The following TJP2 variants were observed in gnomAD, a reference collection of about 807,000 sequenced individuals.
The protein encoded by TJP2 is Friedreich ataxia region gene X104 (tight junction protein ZO-2).
TJP2 carries 91 observed loss-of-function variants against 133.1 expected under a neutral mutation model. The ratio of observed to expected loss-of-function variants is 0.68; its 90% CI spans 0.58 to 0.81. TJP2 has a LOEUF of 0.81. Among genes scored for constraint, TJP2 ranks in the 40% least tolerant of loss-of-function variants. TJP2 has a pLI of 0.00. For missense variants in TJP2, 1,541 were observed against 1,565.6 expected (o/e 0.98, Z 0.26); for synonymous variants, 592 against 583.4 (o/e 1.01, Z -0.21).
intron 2 of TJP2, among the ~76,000 whole-genome samples, chr9:69,161,578 T>G (rs1390486830): frequency 6.6e-6 from 1 of 152,078 alleles, no homozygotes; most frequent in African/African-American, 2.4e-5. Flanking sequence ...GGGCCAGAAC[T>G]GAACATGATG....
At chr9:69,236,372 A>T in intron 13 of TJP2, 134 bp downstream of exon 13, 1 of 908,966 alleles carries the variant, frequency 1.1e-6, no homozygotes, top group Non-Finnish European at 1.7e-6. Flanking sequence ...TTTCTTGTTT[A>T]TGGAGAGTGG....
Position 69,210,757 on chromosome 9 carries a change from T to C in TJP2, c.61-1791T>C, listed in dbSNP as rs12349104. Among the ~76,000 whole-genome samples the C allele has an allele frequency of 9.1e-3, 1,372 of 150,744 alleles. 28 individuals carry two copies. The highest frequency in any genetic ancestry group is 0.031 in the African/African-American group (1,263 of 41,120). On this transcript the variant is annotated intron_variant, in intron 1 of 22. Transcript: ENST00000377245. ...ATTTTGAGTTCTTTTTTTTTTTTTT[T>C]TTTTTTCTTATTAAATATACAGATG...
chr9:69,196,018 A>G lies in TJP2; in HGVS notation c.61-16530A>G, dbSNP rs145762119. On this transcript the variant is annotated intron_variant, in intron 1 of 22. Transcript: ENST00000377245. ...CACTCTGTCACCCAGGCTAGAGTGC[A>G]GTGGTGCCATCATAGCTCACTGCAG... 7.0e-3 allele frequency among the ~76,000 whole-genome samples: 1,071 copies of G among 152,298 alleles called. 30 individuals carry two copies. In the East Asian group the frequency reaches 0.098, roughly 14 times the overall value.
At chr9:69,229,981 ACT>A (rs1251834876) in intron 10 of TJP2, 99 bp from the exon 11 acceptor site, 7 of 1,434,704 alleles carry the variant, frequency 4.9e-6, no homozygotes, top group Non-Finnish European at 5.9e-6. Context: ...ACTATAAATC[ACT>A]CTGTAGCTAG....
intron 4 of TJP2, among the ~76,000 whole-genome samples, chr9:69,219,264 C>T (rs534850880): frequency 3.9e-5 from 6 of 152,190 alleles, no homozygotes; most frequent in African/African-American, 9.6e-5. Flanking sequence ...CCACCTCACC[C>T]GGCCACATAT....
Position 69,230,227 on chromosome 9 carries a change from C to T in TJP2, c.1666C>T (p.Leu556=). 1.9e-6 allele frequency: 3 copies of T among 1,614,134 alleles called. No individual in the cohort carries two copies. The highest frequency in any genetic ancestry group is 2.7e-5 in the African/African-American group (2 of 75,040). ...GGGCCTTCAAGAAGGAGACCAGATT[C>T]TGAAGGTAAGAACAGCCCAGCTCTG... ...QEGLQEGDQI[L]KVNTQDFRGL... Residue 556 remains leucine, a synonymous_variant, in exon 11 of 23, where the codon CTG becomes TTG. Transcript: ENST00000377245.
chr9:69,249,667 A>T (rs1367725802), intron 20 of TJP2, 182 bp downstream of exon 20: 1 of 985,342 alleles, frequency 1.0e-6, no homozygotes, highest in Non-Finnish European at 1.2e-6. Context: ...AGGGAAGGGC[A>T]AAAAGGAAGG....
intron 1 of TJP2, among the ~76,000 whole-genome samples, chr9:69,179,604 G>T (rs1446153314): frequency 6.6e-6 from 1 of 151,506 alleles, no homozygotes; most frequent in Non-Finnish European, 1.5e-5. Flanking sequence ...CACCTCCCGG[G>T]TTCACGCCAT....
chr9:69,200,311 A>G (rs1826894001), intron 1 of TJP2, among the ~76,000 whole-genome samples: 1 of 152,150 alleles, frequency 6.6e-6, no homozygotes, highest in Admixed American at 6.5e-5. Flanking sequence ...TGGTTGGGAC[A>G]TACCTCCCTC....
At chr9:69,156,146 C>T (rs895406593) in intron 2 of TJP2, among the ~76,000 whole-genome samples, 2 of 152,168 alleles carry the variant, frequency 1.3e-5, no homozygotes, top group East Asian at 3.9e-4. Context: ...TGGAAGATCG[C>T]TTGAGGCCAG....
At position 69,189,793 on chromosome 9, in the gene TJP2, G is replaced by A. The variant is rs1390716250; in HGVS notation, c.60+15361G>A. On this transcript the variant is annotated intron_variant, in intron 1 of 22. Transcript: ENST00000377245. ...ATGGTGGGCAAGGGAAACTTCCAAT[G>A]CCTATCCCCTCACTTTAAAAAAACT... 1.8e-5 allele frequency among the ~76,000 whole-genome samples: 2 copies of A among 110,360 alleles called. 1 individual carries two copies. Among genetic ancestry groups the A allele is most frequent in the Non-Finnish European group, 4.1e-5 (2 of 49,312 alleles). The allele number at this position is 110,360 out of a possible 152,430, so 72.4% of individuals were successfully genotyped here.
At position 69,163,020 on chromosome 9, in the gene TJP2, A is replaced by C. The variant is rs1455383815; in HGVS notation, c.-10+11249A>C. On this transcript the variant is annotated intron_variant, in intron 2 of 5. Transcript: ENST00000423935. ...TAATTATTTTTTAAAAAGTATCTTTATTTTATTTTATTTTTTTTTTTTTGA... is the reference window on the plus strand; with the variant it reads ...TAATTATTTTTTAAAAAGTATCTTTCTTTTATTTTATTTTTTTTTTTTTGA... Among the ~76,000 whole-genome samples the C allele has an allele frequency of 5.8e-5, 5 of 86,022 alleles. 2 individuals carry two copies. The South Asian group carries it at 1.6e-3, about 27-fold the overall frequency. The allele number at this position is 86,022 out of a possible 152,430, so 56.4% of individuals were successfully genotyped here.
At chr9:69,238,198 T>C (rs1830333099) in intron 15 of TJP2, among the ~76,000 whole-genome samples, 1 of 152,114 alleles carries the variant, frequency 6.6e-6, no homozygotes, top group African/African-American at 2.4e-5. Flanking sequence ...TTATAACACT[T>C]TATCCCTGAA....
chr9:69,151,443 G>A (rs1823471105), intron 1 of TJP2, among the ~76,000 whole-genome samples: 3 of 143,740 alleles, frequency 2.1e-5, no homozygotes, highest in South Asian at 4.4e-4. Context: ...TCACACCATT[G>A]CACTCTAGCC....
chr9:69,250,912 C>T (rs2133489445), intron 20 of TJP2, 123 bp from the exon 21 acceptor site: 1 of 1,048,410 alleles, frequency 9.5e-7, no homozygotes, highest in Non-Finnish European at 1.5e-6. Flanking sequence ...CATTCCTTGT[C>T]AGAATGGTAT....
intron 1 of TJP2, among the ~76,000 whole-genome samples, chr9:69,134,932 G>A (rs1220967306): frequency 2.0e-5 from 3 of 150,652 alleles, no homozygotes; most frequent in East Asian, 3.9e-4. Flanking sequence ...GGAGAGAGAG[G>A]GAGAAGAGAG....
chr9:69,190,788 A>G (rs146655540), intron 1 of TJP2, among the ~76,000 whole-genome samples: 73 of 152,336 alleles, frequency 4.8e-4, no homozygotes, highest in African/African-American at 1.6e-3. Flanking sequence ...GGCAAGCTAC[A>G]TATAGCCAGC....
intron 1 of TJP2, among the ~76,000 whole-genome samples, chr9:69,177,186 AGTT>A (rs1313574083): frequency 6.6e-6 from 1 of 152,194 alleles, no homozygotes; most frequent in Non-Finnish European, 1.5e-5. Flanking sequence ...GGGGCCCAAC[AGTT>A]GTTGGACCAA....
intron 12 of TJP2, among the ~76,000 whole-genome samples, chr9:69,235,579 C>T (rs1041925767): frequency 4.6e-5 from 7 of 152,130 alleles, no homozygotes; most frequent in Non-Finnish European, 8.8e-5. Flanking sequence ...ACCTTGGCCT[C>T]CCAAAGTGCT....
Sources: allele counts gnomAD v4.1 joint callset (sites outside exome capture counted in the v4.1 genomes callset), GRCh38; gene constraint gnomAD v4.1.1; transcripts MANE v1.5; gene names NCBI Gene and HGNC (gene_info 2026-07-23, HGNC 2026-07-21).